Variants in KAZN observed in about 807,000 individuals in gnomAD.
KAZN encodes the protein kazrin.
In KAZN, 40 loss-of-function variants were observed where a neutral mutation model predicts 87.4. That is an observed-to-expected ratio of 0.46 (90% CI 0.36 to 0.60). The LOEUF is 0.60. Among genes scored for constraint, KAZN ranks in the 20% least tolerant of loss-of-function variants. The pLI is 0.00. For missense variants in KAZN, 898 were observed against 1,073.9 expected, an observed-to-expected ratio of 0.84 and a Z score of 2.29; for synonymous variants, 466 against 458.3, an observed-to-expected ratio of 1.02 and a Z score of -0.22.
rs527320725 is a variant in KAZN at position 14,288,563 on chromosome 1, C to T, written c.249+107971C>T. 3.9e-5 allele frequency among the ~76,000 whole-genome samples: 6 copies of T among 152,172 alleles called. No individual in the cohort carries two copies. The South Asian group carries it at 1.2e-3, about 32-fold the overall frequency. On this transcript the variant is annotated intron_variant, in intron 2 of 16. Transcript: ENST00000636203. ...TTTTTGTTGCGTCTATTTGATTCTT[C>T]TCTCTTTTCTTCTTTATTAGTCTTG...
intron 1 of KAZN, among the ~76,000 whole-genome samples, chr1:13,940,103 T>C (rs1393929382): frequency 6.6e-6 from 1 of 152,208 alleles, no homozygotes; most frequent in Non-Finnish European, 1.5e-5. Context: ...TCTTTTTTTG[T>C]TGCATCCTTA....
At chr1:14,405,640 G>A (rs1330140843) in intron 2 of KAZN, among the ~76,000 whole-genome samples, 1 of 150,822 alleles carries the variant, frequency 6.6e-6, no homozygotes, top group Non-Finnish European at 1.5e-5. Context: ...GTGTGTGTGT[G>A]TGTGTGTTTA....
Position 14,862,084 on chromosome 1 carries a change from C to A in KAZN, c.227-98600C>A, listed in dbSNP as rs550119384. On this transcript the variant is annotated intron_variant, in intron 1 of 14. Transcript: ENST00000376030. ...GGAAAATCCTGACTGCCTACAGCGC[C>A]TATGGTGTGTGATGGACACCTGAAG... 2.9e-4 allele frequency among the ~76,000 whole-genome samples: 44 copies of A among 152,306 alleles called. 1 individual carries two copies. The highest frequency in any genetic ancestry group is 9.9e-4 in the African/African-American group (41 of 41,558).
At chr1:14,450,181 G>T (rs977534959) in intron 2 of KAZN, among the ~76,000 whole-genome samples, 1 of 151,892 alleles carries the variant, frequency 6.6e-6, no homozygotes, top group Non-Finnish European at 1.5e-5. Context: ...TTCTTTTCTT[G>T]GCCGGTCTTC....
intron 2 of KAZN, among the ~76,000 whole-genome samples, chr1:14,372,925 C>A (rs1660616941): frequency 6.6e-6 from 1 of 152,130 alleles, no homozygotes; most frequent in Admixed American, 6.5e-5. Context: ...TATATAAAAT[C>A]ACGTAACAGA....
In KAZN at chr1:14,854,156, G is replaced by T. The variant is rs1417249859; in HGVS notation, c.227-106528G>T. ...GATCATCTGGCCCTTTGTGAGTGAG[G>T]TTTCTCATCTTACAGGTGCAGAAAC... On this transcript the variant is annotated intron_variant, in intron 1 of 14. Coordinates refer to ENST00000376030, the MANE Select transcript of KAZN (RefSeq NM_201628.3). Among the ~76,000 whole-genome samples, 5 of 152,114 alleles carry T rather than the reference G, an allele frequency of 3.3e-5. No individual in the cohort carries two copies. The East Asian group carries it at 5.8e-4, about 18-fold the overall frequency.
At chr1:14,182,396 T>C (rs1212564052) in intron 2 of KAZN, among the ~76,000 whole-genome samples, 1 of 152,198 alleles carries the variant, frequency 6.6e-6, no homozygotes, top group Non-Finnish European at 1.5e-5. Context: ...ATTCCTTGCT[T>C]CTGTCTTTTA....
chr1:14,897,156 A>G (rs553582356), intron 1 of KAZN, among the ~76,000 whole-genome samples: 8 of 152,288 alleles, frequency 5.3e-5, no homozygotes, highest in African/African-American at 1.9e-4. Flanking sequence ...AGTTCTGAAC[A>G]TTATACTTGT....
At chr1:14,610,095 G>T (rs1478110506) in intron 1 of KAZN, among the ~76,000 whole-genome samples, 1 of 152,244 alleles carries the variant, frequency 6.6e-6, no homozygotes. Context: ...CACGATGAAA[G>T]GGGAATCCAT....
At chr1:14,060,672 C>G (rs1456898852) in intron 1 of KAZN, among the ~76,000 whole-genome samples, 1 of 152,144 alleles carries the variant, frequency 6.6e-6, no homozygotes, top group Non-Finnish European at 1.5e-5. Flanking sequence ...CTGAGAGAAC[C>G]TTCCATGAAT....
chr1:14,877,922 G>A (rs1248738616), intron 1 of KAZN, among the ~76,000 whole-genome samples: 1 of 152,060 alleles, frequency 6.6e-6, no homozygotes, highest in African/African-American at 2.4e-5. Context: ...CCAGTGTCTC[G>A]ATGGACCCTA....
chr1:14,792,442 A>C (rs532140184), intron 1 of KAZN, among the ~76,000 whole-genome samples: 1 of 152,280 alleles, frequency 6.6e-6, no homozygotes, highest in Admixed American at 6.5e-5. Context: ...TATGCTTGTA[A>C]TCCCAGTGGC....
In KAZN at chr1:15,034,668, C is replaced by T. The variant is rs372739465; in HGVS notation, c.419-81C>T. The T allele has an allele frequency of 2.9e-4, 447 of 1,519,256 alleles. 1 individual carries two copies. The highest frequency in any genetic ancestry group is 9.5e-4 in the East Asian group (41 of 43,122). The allele number at this position is 1,519,256 out of a possible 1,614,324, so 94.1% of individuals were successfully genotyped here. On this transcript the variant is annotated intron_variant, in intron 2 of 14. Coordinates refer to ENST00000376030, the MANE Select transcript of KAZN (RefSeq NM_201628.3). ...TTCTCACCTGTTACAAAGGTGACGG[C>T]GGTGATGCCACTTCTCAGCACTCAG...
rs142091248 is a variant in KAZN at position 15,044,092 on chromosome 1, C to T, written c.659C>T (p.Thr220Met). 1.0e-3 allele frequency: 1,623 copies of T among 1,612,592 alleles called. 7 individuals carry two copies. The highest frequency in any genetic ancestry group is 3.2e-3 in the South Asian group (289 of 90,940). The part of the protein sequence containing the change: ...RQAKEATDHA[T>M]ALRSQLDLKD... ...GCCAAGGAGGCCACAGACCACGCCA[C>T]GGCACTGCGCTCCCAGCTGGACCTC... Residue 220 changes from threonine to methionine, a missense_variant, in exon 4 of 15, where the codon ACG becomes ATG. By Grantham distance (81) the Thr-to-Met change is moderately conservative. This residue lies in a region of KAZN where 521 missense variants were observed against 689.4 expected (regional missense o/e 0.76). Transcript: ENST00000376030.
intron 2 of KAZN, among the ~76,000 whole-genome samples, chr1:14,352,417 G>A (rs530643265): frequency 5.6e-4 from 85 of 152,172 alleles, no homozygotes; most frequent in African/African-American, 1.8e-3. Context: ...GAGGAAAGCC[G>A]CCTGATTCTG....
chr1:14,343,847 A>C (rs552662453), intron 2 of KAZN, among the ~76,000 whole-genome samples: 6 of 152,184 alleles, frequency 3.9e-5, no homozygotes, highest in African/African-American at 1.2e-4. Context: ...TCCTTCGGCA[A>C]ACTCATCCAA....
chr1:14,385,093 T>C (rs1661747371), intron 2 of KAZN, among the ~76,000 whole-genome samples: 1 of 152,108 alleles, frequency 6.6e-6, no homozygotes, highest in East Asian at 1.9e-4. Flanking sequence ...GATTTTCTAG[T>C]TTATTTGCGT....
rs147384230 is a variant in KAZN, at chr1:14,571,346, T to A, written c.250-27637T>A. Reference sequence around the variant, plus strand: ...ATTACACCAAAGAGAAAGAAACGAGTTATTATTGGCCATAATTGCTCACCT... The same window carrying A: ...ATTACACCAAAGAGAAAGAAACGAGATATTATTGGCCATAATTGCTCACCT... On this transcript the variant is annotated intron_variant, in intron 2 of 16. Coordinates refer to the KAZN transcript ENST00000636203. 5.5e-3 allele frequency among the ~76,000 whole-genome samples: 839 copies of A among 152,196 alleles called. 14 individuals carry two copies. The highest frequency in any genetic ancestry group is 0.019 in the African/African-American group (808 of 41,512).
intron 2 of KAZN, among the ~76,000 whole-genome samples, chr1:14,461,108 C>T (rs1667827357): frequency 6.6e-6 from 1 of 152,150 alleles, no homozygotes; most frequent in Non-Finnish European, 1.5e-5. Context: ...TTTAAACCCA[C>T]AGAAATCCCA....
Sources: gnomAD v4.1 joint callset for allele counts (sites outside exome capture counted in the v4.1 genomes callset) on GRCh38, gnomAD v4.1.1 for gene constraint, gnomAD v4.1.1 regional missense constraint, MANE v1.5 for transcripts, NCBI Gene and HGNC (gene_info 2026-07-23, HGNC 2026-07-21) for gene names.